CIB1: variants seen among roughly 807,000 people sequenced by gnomAD.
CIB1 encodes calcium and integrin binding 1.
In CIB1, 19 loss-of-function variants were observed where a neutral mutation model predicts 25.0. That is an observed-to-expected ratio of 0.76 (90% CI 0.53 to 1.12). CIB1 has a LOEUF of 1.12. Ranked by LOEUF, CIB1 falls within the 50% of genes most tolerant of loss-of-function variation. CIB1 has a pLI of 0.00. For missense variants in CIB1, 236 were observed against 242.6 expected (o/e 0.97, Z 0.18); for synonymous variants, 104 against 98.5 (o/e 1.06, Z -0.33).
chr15:90,242,246 C>T, the CIB1 span: 1 of 319,800 alleles, frequency 3.1e-6, no homozygotes, highest in Non-Finnish European at 5.4e-6. Flanking sequence ...CACCACCACA[C>T]ACCTGGCTTT....
chr15:90,241,623 G>A, the CIB1 span: 2 of 1,613,976 alleles, frequency 1.2e-6, no homozygotes, highest in Non-Finnish European at 1.7e-6. Flanking sequence ...CGAGCCCCTG[G>A]ACCCTGGAGG....
chr15:90,234,220 G>C (rs1459619578), upstream of CIB1: 1 of 265,776 alleles, frequency 3.8e-6, no homozygotes, highest in African/African-American at 2.2e-5. Flanking sequence ...TATGCGTCAC[G>C]GGCGTCATGA....
the CIB1 span, chr15:90,261,900 AG>A: frequency 1.1e-6 from 1 of 920,550 alleles, no homozygotes; most frequent in South Asian, 2.1e-5. Context: ...GGGGCCCAGG[AG>A]GTCAAGAAGC....
the CIB1 span, among the ~76,000 whole-genome samples, chr15:90,254,349 C>G: frequency 6.7e-6 from 1 of 149,172 alleles, no homozygotes; most frequent in African/African-American, 2.5e-5. Flanking sequence ...AAAAATTAAC[C>G]AGGCATGGTG....
At chr15:90,240,894 T>G in the CIB1 span, 1 of 1,590,114 alleles carries the variant, frequency 6.3e-7, no homozygotes, top group South Asian at 1.1e-5. Context: ...TTTATGACTA[T>G]TTCAGGTCAG....
At chr15:90,239,947 G>T in the CIB1 span, among the ~76,000 whole-genome samples, 1 of 152,044 alleles carries the variant, frequency 6.6e-6, no homozygotes, top group African/African-American at 2.4e-5. Flanking sequence ...GCCGTGGCTG[G>T]GCGCAGTGGC....
the CIB1 span, among the ~76,000 whole-genome samples, chr15:90,251,146 C>G: frequency 9.7e-6 from 1 of 102,770 alleles, no homozygotes; most frequent in Non-Finnish European, 1.9e-5. Context: ...CAGAGTCTCG[C>G]TCTGTCGCCC....
the CIB1 span, chr15:90,256,302 AG>A: frequency 6.2e-7 from 1 of 1,614,116 alleles, no homozygotes; most frequent in East Asian, 2.2e-5. Flanking sequence ...TCCAAGGTGA[AG>A]GATGCCTCAG....
the CIB1 span, chr15:90,241,933 A>T: frequency 6.2e-7 from 1 of 1,614,144 alleles, no homozygotes; most frequent in South Asian, 1.1e-5. Context: ...CTCCCTGTCA[A>T]AACATCCCAG....
upstream of CIB1, among the ~76,000 whole-genome samples, chr15:90,235,904 G>A (rs562893679): frequency 2.6e-5 from 4 of 152,212 alleles, no homozygotes; most frequent in Admixed American, 6.5e-5. Context: ...CTTTCTGTCC[G>A]AGAAAGAGTT....
At chr15:90,241,099 G>GCT in the CIB1 span, 1 of 1,614,160 alleles carries the variant, frequency 6.2e-7, no homozygotes, top group Non-Finnish European at 8.5e-7. Flanking sequence ...GCTGCACTCT[G>GCT]CTCTGCCTGG....
the CIB1 span, among the ~76,000 whole-genome samples, chr15:90,256,454 C>T: frequency 3.3e-5 from 5 of 152,184 alleles, no homozygotes; most frequent in Admixed American, 6.5e-5. Context: ...TCAGAACCAG[C>T]CTGCCTGGGG....
chr15:90,231,654 G>A lies in CIB1; in HGVS notation c.196-147C>T, dbSNP rs1962496608. 7.9e-6 allele frequency: 7 copies of A among 883,736 alleles called. No individual in the cohort carries two copies. The South Asian group carries it at 1.3e-4, about 16-fold the overall frequency. The allele number at this position is 883,736 out of a possible 1,614,324, so 54.7% of individuals were successfully genotyped here. On this transcript the variant is annotated intron_variant, in intron 3 of 6. Coordinates refer to ENST00000328649, the MANE Select transcript of CIB1 (RefSeq NM_006384.4). Reference sequence around the variant, plus strand: ...TCAGTGCTTTGGGGCCAACATGGAGGGCAGTGGGGGCACAGGAAAGCAAAC... The same window carrying A: ...TCAGTGCTTTGGGGCCAACATGGAGAGCAGTGGGGGCACAGGAAAGCAAAC...
the CIB1 span, among the ~76,000 whole-genome samples, chr15:90,264,406 C>T: frequency 1.2e-3 from 186 of 152,282 alleles, no homozygotes; most frequent in African/African-American, 4.3e-3. Flanking sequence ...GTCTTGAACT[C>T]CTGATCCACC....
chr15:90,254,716 G>T, the CIB1 span, among the ~76,000 whole-genome samples: 1 of 151,716 alleles, frequency 6.6e-6, no homozygotes, highest in African/African-American at 2.4e-5. Context: ...GCGTAGTGGT[G>T]CATGCTTTAG....
At chr15:90,247,560 A>T in the CIB1 span, among the ~76,000 whole-genome samples, 14 of 151,408 alleles carry the variant, frequency 9.2e-5, no homozygotes, top group Non-Finnish European at 1.8e-4. Context: ...TATCAAGGAC[A>T]ATAACTACCA....
At chr15:90,252,043 C>CTTTT in the CIB1 span, among the ~76,000 whole-genome samples, 3 of 133,474 alleles carry the variant, frequency 2.2e-5, 1 homozygote, top group South Asian at 2.5e-4. Flanking sequence ...TCACCTAATT[C>CTTTT]TTTTTTTTTT....
At chr15:90,243,122 G>A in the CIB1 span, 1 of 152,264 alleles carries the variant, frequency 6.6e-6, no homozygotes, top group South Asian at 2.1e-4. Flanking sequence ...CGGTAATAGT[G>A]CCTGTGCCTC....
At chr15:90,257,642 T>C in the CIB1 span, 2 of 1,614,092 alleles carry the variant, frequency 1.2e-6, no homozygotes, top group East Asian at 2.2e-5. Flanking sequence ...CACAGGACAA[T>C]GTCTGCATGC....
Sources: allele counts gnomAD v4.1 joint callset (sites outside exome capture counted in the v4.1 genomes callset), GRCh38; gene constraint gnomAD v4.1.1; transcripts MANE v1.5; gene names NCBI Gene and HGNC (gene_info 2026-07-23, HGNC 2026-07-21).